The following PPP3CA variants were observed in gnomAD, a reference collection of about 807,000 sequenced individuals.
The protein encoded by PPP3CA is protein phosphatase 3 catalytic subunit alpha.
In PPP3CA, 14 loss-of-function variants were observed where a neutral mutation model predicts 66.5. That is an observed-to-expected ratio of 0.21 (90% CI 0.14 to 0.33). The LOEUF (loss-of-function observed/expected upper bound fraction) is 0.33, where lower values mean the gene tolerates loss of function less well. Ranked by LOEUF, PPP3CA falls within the 10% of genes least tolerant of loss-of-function variation. The pLI is 1.00. For synonymous variants in PPP3CA, 232 were observed against 226.2 expected (o/e 1.03, Z -0.23); for missense variants, 317 against 639.5 (o/e 0.50, Z 5.44).
At chr4:101,291,084 A>G (rs1421297046) in intron 1 of PPP3CA, among the ~76,000 whole-genome samples, 1 of 152,206 alleles carries the variant, frequency 6.6e-6, no homozygotes, top group Non-Finnish European at 1.5e-5. Context: ...GATTGTTTAC[A>G]TTATTTGATT....
chr4:101,102,617 G>T (rs192106472), intron 3 of PPP3CA, among the ~76,000 whole-genome samples: 262 of 152,146 alleles, frequency 1.7e-3, no homozygotes, highest in Non-Finnish European at 2.3e-3. Context: ...TGTCTTGCCG[G>T]CAACTATTTT....
At chr4:101,080,492 A>G (rs1729387953) in intron 8 of PPP3CA, 40 bp downstream of exon 8, 2 of 1,080,126 alleles carry the variant, frequency 1.9e-6, no homozygotes, top group Non-Finnish European at 2.6e-6. Context: ...ATTATTACAC[A>G]TATTATGTAA....
At chr4:101,297,760 T>A (rs1183864263) in intron 1 of PPP3CA, among the ~76,000 whole-genome samples, 1 of 152,210 alleles carries the variant, frequency 6.6e-6, no homozygotes, top group African/African-American at 2.4e-5. Flanking sequence ...AATCTGAGAT[T>A]TGGCTTGCAT....
chr4:101,272,649 T>C (rs1436554414), intron 1 of PPP3CA, among the ~76,000 whole-genome samples: 1 of 152,204 alleles, frequency 6.6e-6, no homozygotes, highest in African/African-American at 2.4e-5. Context: ...TTTCCTCACA[T>C]GCAAAATGTG....
chr4:101,263,115 T>C (rs1295435192), intron 1 of PPP3CA, among the ~76,000 whole-genome samples: 3 of 152,184 alleles, frequency 2.0e-5, no homozygotes, highest in Non-Finnish European at 4.4e-5. Context: ...GAGAGATATT[T>C]TTCATTTTCT....
chr4:101,194,816 C>G (rs1023975466), intron 2 of PPP3CA, among the ~76,000 whole-genome samples: 7 of 152,066 alleles, frequency 4.6e-5, no homozygotes, highest in Admixed American at 3.9e-4. Flanking sequence ...ATCCACCCAC[C>G]TCGGCCTCCC....
chr4:101,235,057 T>A (rs1430723441), intron 1 of PPP3CA, among the ~76,000 whole-genome samples: 1 of 151,806 alleles, frequency 6.6e-6, no homozygotes, highest in Non-Finnish European at 1.5e-5. Context: ...CAGATAGGTA[T>A]CTTTTTAAAG....
chr4:101,082,192 G>C (rs144385802), intron 7 of PPP3CA, among the ~76,000 whole-genome samples: 3 of 152,110 alleles, frequency 2.0e-5, no homozygotes, highest in Admixed American at 1.3e-4. Context: ...GACTGGTTGG[G>C]TATATAAACA....
At chr4:101,169,607 T>G (rs1309102570) in intron 2 of PPP3CA, among the ~76,000 whole-genome samples, 1 of 152,200 alleles carries the variant, frequency 6.6e-6, no homozygotes, top group Non-Finnish European at 1.5e-5. Context: ...AAAGAGACAG[T>G]TATTAAATGC....
chr4:101,161,154 G>A (rs952693691), intron 2 of PPP3CA, among the ~76,000 whole-genome samples: 1 of 152,018 alleles, frequency 6.6e-6, no homozygotes, highest in Non-Finnish European at 1.5e-5. Context: ...GTTTGTAGCC[G>A]AGAAGCAATA....
chr4:101,108,890 T>C, intron 3 of PPP3CA, 64 bp downstream of exon 3: 2 of 1,521,386 alleles, frequency 1.3e-6, no homozygotes, highest in Non-Finnish European at 1.8e-6. Context: ...ATTTACTGCT[T>C]TTATTTTTTT....
chr4:101,208,377 G>A (rs184127670), intron 1 of PPP3CA, among the ~76,000 whole-genome samples: 46 of 152,274 alleles, frequency 3.0e-4, no homozygotes, highest in Admixed American at 2.4e-3. Flanking sequence ...CCACAGCGCA[G>A]TTCCACACCT....
chr4:101,080,599 T>A lies in PPP3CA; in HGVS notation c.888A>T (p.Thr296=), dbSNP rs746965075. Residue 296 remains threonine, a synonymous_variant, in exon 8 of 14, where the codon ACA becomes ACT. Coordinates refer to ENST00000394854, the MANE Select transcript of PPP3CA (RefSeq NM_000944.5). ...TTGTAATTAGAGAAGGGAAGCCTGT[T>A]GTTTGGCTTTTCCTGTACATGCGGT... ...AGYRMYRKSQ[T]TGFPSLITIF... The A allele has an allele frequency of 6.5e-7, 1 of 1,531,604 alleles. No homozygotes were observed. Among genetic ancestry groups the A allele is most frequent in the East Asian group, 2.3e-5 (1 of 44,314 alleles). 94.9% of individuals were successfully genotyped at this position (1,531,604 alleles called of 1,614,324 possible).
At chr4:101,340,822 C>G (rs915540680) in intron 1 of PPP3CA, among the ~76,000 whole-genome samples, 7 of 152,088 alleles carry the variant, frequency 4.6e-5, no homozygotes, top group African/African-American at 1.7e-4. Context: ...ATCATCAAAT[C>G]TGAAGATTTT....
intron 1 of PPP3CA, among the ~76,000 whole-genome samples, chr4:101,200,930 A>T (rs1724948883): frequency 6.6e-6 from 1 of 152,176 alleles, no homozygotes; most frequent in Non-Finnish European, 1.5e-5. Flanking sequence ...TGTACTGACT[A>T]GTCACATATG....
At chr4:101,084,535 C>T (rs1438415834) in intron 6 of PPP3CA, among the ~76,000 whole-genome samples, 6 of 151,478 alleles carry the variant, frequency 4.0e-5, no homozygotes, top group Non-Finnish European at 4.4e-5. Flanking sequence ...CCCAACTACT[C>T]GGGAGGCTGA....
rs140831686 is a variant in PPP3CA at position 101,144,486 on chromosome 4, A to G, written c.260-35408T>C. Among the ~76,000 whole-genome samples, 740 of 152,244 alleles carry G rather than the reference A, an allele frequency of 4.9e-3. 4 individuals carry two copies. Among genetic ancestry groups the G allele is most frequent in the African/African-American group, 0.017 (697 of 41,558 alleles). On this transcript the variant is annotated intron_variant, in intron 2 of 13. Transcript: ENST00000394854. ...CCCCTTTTGGTCTCGGTAAGCTGCT[A>G]TTTGTCCTTCAAAATCTTTATCAGA...
chr4:101,277,844 A>G (rs1727551279), intron 1 of PPP3CA, among the ~76,000 whole-genome samples: 1 of 152,162 alleles, frequency 6.6e-6, no homozygotes, highest in African/African-American at 2.4e-5. Flanking sequence ...TTCTGTCTAC[A>G]CCAGTGACTC....
At chr4:101,259,020 T>G (rs1726928676) in intron 1 of PPP3CA, among the ~76,000 whole-genome samples, 1 of 152,150 alleles carries the variant, frequency 6.6e-6, no homozygotes, top group South Asian at 2.1e-4. Flanking sequence ...AGCTCTGCTC[T>G]GGGTTTCTCC....
Sources: gnomAD v4.1 joint callset for allele counts (sites outside exome capture counted in the v4.1 genomes callset) on GRCh38, gnomAD v4.1.1 for gene constraint, MANE v1.5 for transcripts, NCBI Gene and HGNC (gene_info 2026-07-23, HGNC 2026-07-21) for gene names.